Variants in PLCB1 observed in about 807,000 individuals in gnomAD.
PLCB1 encodes the protein phospholipase C beta 1.
Under a neutral mutation model 161.8 loss-of-function variants are expected in PLCB1, and 46 were observed. The observed-to-expected ratio is 0.28, with a 90% CI of 0.22 to 0.36. The LOEUF is 0.36. PLCB1 is among the 10% of genes least tolerant of loss of function. The probability of loss-of-function intolerance (pLI) is 1.00; values close to 1 mark genes in which losing one functional copy is unlikely to be tolerated. For synonymous variants in PLCB1, 517 were observed against 503.7 expected (o/e 1.03, Z -0.35); for missense variants, 1,016 against 1,472.5 (o/e 0.69, Z 5.07).
chr20:8,681,386 A>G (rs1298063304), intron 9 of PLCB1, among the ~76,000 whole-genome samples: 1 of 152,024 alleles, frequency 6.6e-6, no homozygotes, highest in African/African-American at 2.4e-5. Context: ...CAATAAATGG[A>G]ATTTGGAGCT....
chr20:8,647,946 C>A lies in PLCB1; in HGVS notation c.511C>A (p.Leu171Ile). The change falls in exon 6 of 32, where the codon CTC becomes ATC. Residue 171 changes from leucine (L) to isoleucine (I), a missense_variant. By Grantham distance (5) the Leu-to-Ile change is conservative. Transcript: ENST00000338037. Reference protein sequence around the residue: ...LQVTPEGRIPLKNIYRLFSAD... With the variant: ...LQVTPEGRIPIKNIYRLFSAD... ...AGTCACTCCAGAAGGGCGTATTCCT[C>A]TCAAAAAGTAAGCTTTGTGAGCATT... The A allele has an allele frequency of 6.4e-7, 1 of 1,562,832 alleles. No individual in the cohort carries two copies. The highest frequency in any genetic ancestry group is 8.6e-7 in the Non-Finnish European group (1 of 1,158,970).
chr20:8,836,414 T>TAC (rs148990669), intron 31 of PLCB1, among the ~76,000 whole-genome samples: 4 of 102,212 alleles, frequency 3.9e-5, no homozygotes, highest in South Asian at 2.8e-4. Context: ...GATGGGGTAT[T>TAC]ACACACACAC....
At chr20:8,276,930 T>TTCC (rs1982580533) in intron 2 of PLCB1, among the ~76,000 whole-genome samples, 1 of 20,596 alleles carries the variant, frequency 4.9e-5, no homozygotes, top group African/African-American at 1.2e-4. Flanking sequence ...TCTTCTTTTC[T>TTCC]TCTTCTTCTT....
chr20:8,136,575 G>C lies in PLCB1; in HGVS notation c.99+3825G>C, dbSNP rs571446075. 1.6e-3 allele frequency among the ~76,000 whole-genome samples: 246 copies of C among 150,728 alleles called. 1 individual carries two copies. The highest frequency in any genetic ancestry group is 5.8e-3 in the African/African-American group (235 of 40,866). On this transcript the variant is annotated intron_variant, in intron 1 of 31. Transcript: ENST00000338037. ...TGGGAGGCGGAGCTTGCAGTGAGCC[G>C]AGATCGCGCCACTGCACTCCAGCCT...
At chr20:8,562,969 C>G (rs758904941) in intron 3 of PLCB1, among the ~76,000 whole-genome samples, 14 of 151,884 alleles carry the variant, frequency 9.2e-5, no homozygotes, top group Non-Finnish European at 1.9e-4. Flanking sequence ...ATGGTGTAGG[C>G]CATTAATGTC....
chr20:8,468,005 G>A (rs192924965), intron 3 of PLCB1, among the ~76,000 whole-genome samples: 10 of 152,294 alleles, frequency 6.6e-5, no homozygotes, highest in Admixed American at 1.3e-4. Context: ...CAGGAAAAAT[G>A]TGGATAAATC....
chr20:8,881,543 CTCTTTCAGAGAGTT>C, intron 31 of PLCB1, 65 bp from the exon 32 acceptor site: 1 of 1,027,284 alleles, frequency 9.7e-7, no homozygotes, highest in African/African-American at 1.6e-5. Flanking sequence ...TTTTGTATAT[CTCTTTCAGAGAGTT>C]TCTATGGGAG....
At chr20:8,592,499 G>A (rs1297584689) in intron 3 of PLCB1, among the ~76,000 whole-genome samples, 1 of 152,166 alleles carries the variant, frequency 6.6e-6, no homozygotes, top group Non-Finnish European at 1.5e-5. Flanking sequence ...CAGCATACGT[G>A]CCATTTTATT....
chr20:8,726,959 A>G (rs1979971895), intron 16 of PLCB1, among the ~76,000 whole-genome samples: 1 of 152,064 alleles, frequency 6.6e-6, no homozygotes, highest in Non-Finnish European at 1.5e-5. Context: ...CTAAGAAAAA[A>G]ATCTGGGTGA....
chr20:8,868,453 G>A (rs1371381698), intron 31 of PLCB1, among the ~76,000 whole-genome samples: 1 of 152,180 alleles, frequency 6.6e-6, no homozygotes, highest in Admixed American at 6.5e-5. Flanking sequence ...TTTTGTGAAA[G>A]CAACTTTGAA....
intron 3 of PLCB1, among the ~76,000 whole-genome samples, chr20:8,520,072 G>GA (rs1984289446): frequency 6.6e-6 from 1 of 152,124 alleles, no homozygotes; most frequent in Non-Finnish European, 1.5e-5. Flanking sequence ...AAGCTACTTA[G>GA]AAAATCACAC....
At chr20:8,872,272 T>C (rs1987634859) in intron 31 of PLCB1, among the ~76,000 whole-genome samples, 1 of 152,216 alleles carries the variant, frequency 6.6e-6, no homozygotes, top group African/African-American at 2.4e-5. Flanking sequence ...GCAGCAGTAA[T>C]TGATTTCCAT....
chr20:8,307,828 A>T (rs574529908), intron 2 of PLCB1, among the ~76,000 whole-genome samples: 1 of 118,526 alleles, frequency 8.4e-6, no homozygotes, highest in East Asian at 2.5e-4. Flanking sequence ...AGGCTGAAGC[A>T]GGAGAATTGC....
At chr20:8,166,243 G>T (rs929446287) in intron 2 of PLCB1, among the ~76,000 whole-genome samples, 1 of 152,012 alleles carries the variant, frequency 6.6e-6, no homozygotes, top group Admixed American at 6.6e-5. Context: ...CCTGGATTCT[G>T]TACCCACTAC....
intron 3 of PLCB1, among the ~76,000 whole-genome samples, chr20:8,565,711 A>G (rs1050074523): frequency 1.4e-4 from 22 of 152,226 alleles, no homozygotes; most frequent in African/African-American, 5.1e-4. Flanking sequence ...TGGTGTAAGT[A>G]AAAGTGGCAA....
Position 8,449,341 on chromosome 20 carries a change from G to T in PLCB1, c.246+77891G>T, listed in dbSNP as rs537061780. ...AGCATCCTGCTTCTCTGTAGCAGAC[G>T]CTGGTGATTCATCACACCACATTTC... is the stretch of plus-strand genomic sequence containing the variant. On this transcript the variant is annotated intron_variant, in intron 3 of 31. Transcript: ENST00000338037. Among the ~76,000 whole-genome samples the T allele has an allele frequency of 2.6e-5, 4 of 152,106 alleles. No individual in the cohort carries two copies. The East Asian group carries it at 7.7e-4, about 29-fold the overall frequency.
At chr20:8,355,882 A>G (rs1024442999) in intron 2 of PLCB1, among the ~76,000 whole-genome samples, 1 of 152,196 alleles carries the variant, frequency 6.6e-6, no homozygotes, top group African/African-American at 2.4e-5. Context: ...GGGAATGCTT[A>G]TAAGGGATTA....
intron 3 of PLCB1, among the ~76,000 whole-genome samples, chr20:8,579,883 G>A (rs565423422): frequency 6.6e-6 from 1 of 150,686 alleles, no homozygotes; most frequent in Admixed American, 6.6e-5. Flanking sequence ...AAAAATGTGA[G>A]CAAGGTCTTT....
At chr20:8,605,628 T>A (rs923379540) in intron 3 of PLCB1, among the ~76,000 whole-genome samples, 26 of 147,928 alleles carry the variant, frequency 1.8e-4, no homozygotes, top group African/African-American at 5.8e-4. Flanking sequence ...TTTTTTTTTT[T>A]AAAGAAAAAA....
Sources: allele counts gnomAD v4.1 joint callset (sites outside exome capture counted in the v4.1 genomes callset), GRCh38; gene constraint gnomAD v4.1.1; transcripts MANE v1.5; gene names NCBI Gene and HGNC (gene_info 2026-07-23, HGNC 2026-07-21).